BRINP3: variants seen among roughly 807,000 people sequenced by gnomAD.
BRINP3 encodes the protein BMP/retinoic acid-inducible neural-specific protein 3.
Under a neutral mutation model 71.0 loss-of-function variants are expected in BRINP3, and 19 were observed. The ratio of observed to expected loss-of-function variants is 0.27; its 90% CI spans 0.19 to 0.39. The LOEUF is 0.39. Ranked by LOEUF, BRINP3 falls within the 10% of genes least tolerant of loss-of-function variation. The pLI is 1.00. For missense variants in BRINP3, 959 were observed against 940.8 expected (o/e 1.02, Z -0.25); for synonymous variants, 380 against 337.7 (o/e 1.13, Z -1.37).
At chr1:190,192,496 CA>C (rs1654124132) in intron 6 of BRINP3, among the ~76,000 whole-genome samples, 2 of 151,282 alleles carry the variant, frequency 1.3e-5, no homozygotes, top group African/African-American at 4.9e-5. Flanking sequence ...CAGCATGTGC[CA>C]ACATGTCCTG....
At chr1:190,234,266 A>G in intron 5 of BRINP3, 106 bp downstream of exon 5, 1 of 588,282 alleles carries the variant, frequency 1.7e-6, no homozygotes, top group Non-Finnish European at 2.8e-6. Flanking sequence ...AGAGTTTTTA[A>G]TAGCCTGTAT....
At chr1:190,364,520 T>C (rs1669360457) in intron 2 of BRINP3, among the ~76,000 whole-genome samples, 1 of 151,926 alleles carries the variant, frequency 6.6e-6, no homozygotes, top group Non-Finnish European at 1.5e-5. Flanking sequence ...CAGAAGAACA[T>C]CAAACAGTCT....
At chr1:190,404,033 A>G (rs1377200832) in intron 2 of BRINP3, among the ~76,000 whole-genome samples, 5 of 152,178 alleles carry the variant, frequency 3.3e-5, no homozygotes, top group Non-Finnish European at 5.9e-5. Context: ...CTTCAGAAAA[A>G]GTTCTAAGAG....
At chr1:190,309,140 G>A (rs577006800) in intron 2 of BRINP3, among the ~76,000 whole-genome samples, 19 of 151,706 alleles carry the variant, frequency 1.3e-4, no homozygotes, top group African/African-American at 3.9e-4. Flanking sequence ...CTCATACTAC[G>A]GCATGTGTGA....
At chr1:190,115,151 G>T (rs578047798) in intron 7 of BRINP3, among the ~76,000 whole-genome samples, 1 of 152,122 alleles carries the variant, frequency 6.6e-6, no homozygotes, top group South Asian at 2.1e-4. Context: ...ATAAATTATG[G>T]TAAAGAATGG....
intron 2 of BRINP3, among the ~76,000 whole-genome samples, chr1:190,361,370 G>A (rs1005068374): frequency 1.3e-5 from 2 of 151,696 alleles, no homozygotes; most frequent in Non-Finnish European, 1.5e-5. Flanking sequence ...TGTAATTTAG[G>A]AAAATATAAG....
chr1:190,317,120 C>G (rs1177144314), intron 2 of BRINP3, among the ~76,000 whole-genome samples: 3 of 145,442 alleles, frequency 2.1e-5, no homozygotes, highest in Non-Finnish European at 4.5e-5. Flanking sequence ...TTCAATGAGC[C>G]GAGATTGGGC....
At chr1:190,404,234 T>C (rs1188603210) in intron 2 of BRINP3, among the ~76,000 whole-genome samples, 1 of 152,172 alleles carries the variant, frequency 6.6e-6, no homozygotes, top group Non-Finnish European at 1.5e-5. Context: ...TAATAACTCA[T>C]ACTATCAGTA....
At chr1:190,167,125 T>C (rs1265358807) in intron 6 of BRINP3, among the ~76,000 whole-genome samples, 1 of 152,142 alleles carries the variant, frequency 6.6e-6, no homozygotes, top group Non-Finnish European at 1.5e-5. Flanking sequence ...TATCCGATTT[T>C]GGATTTTGGT....
chr1:190,303,119 T>C (rs1276742132), intron 2 of BRINP3, among the ~76,000 whole-genome samples: 1 of 151,740 alleles, frequency 6.6e-6, no homozygotes, highest in African/African-American at 2.4e-5. Context: ...ATTTTCCAAG[T>C]TTCTGAATAT....
intron 2 of BRINP3, among the ~76,000 whole-genome samples, chr1:190,319,976 C>T (rs1292944192): frequency 2.0e-5 from 3 of 151,906 alleles, no homozygotes; most frequent in African/African-American, 4.8e-5. Flanking sequence ...AAAGAATATT[C>T]TATAAGTTTT....
rs548445737 is a variant in BRINP3, at chr1:190,228,306, A to T, written c.725-1988T>A. ...ACTCAGGAATCAGTATATATTTATTAAAAGACCTAAGGTAACAGTAATTGA... is the reference window on the plus strand; with the variant it reads ...ACTCAGGAATCAGTATATATTTATTTAAAGACCTAAGGTAACAGTAATTGA... On this transcript the variant is annotated intron_variant, in intron 5 of 7. Transcript: ENST00000367462. Among the ~76,000 whole-genome samples, 13 of 152,084 alleles carry T rather than the reference A, an allele frequency of 8.5e-5. No homozygotes were observed. In the South Asian group the frequency reaches 2.7e-3, roughly 32 times the overall value.
At chr1:190,228,472 C>G (rs1349836989) in intron 5 of BRINP3, among the ~76,000 whole-genome samples, 1 of 151,442 alleles carries the variant, frequency 6.6e-6, no homozygotes, top group Non-Finnish European at 1.5e-5. Flanking sequence ...GACGGTAGTG[C>G]TTTTGGAGAA....
intron 2 of BRINP3, among the ~76,000 whole-genome samples, chr1:190,327,951 A>G (rs529680808): frequency 9.2e-5 from 14 of 152,260 alleles, no homozygotes; most frequent in African/African-American, 3.1e-4. Flanking sequence ...CATACAAACC[A>G]TACTCTTGGA....
At chr1:190,366,625 T>C (rs1669521525) in intron 2 of BRINP3, among the ~76,000 whole-genome samples, 1 of 152,162 alleles carries the variant, frequency 6.6e-6, no homozygotes, top group African/African-American at 2.4e-5. Context: ...CAAAGTCTCA[T>C]CTGAGACAAG....
chr1:190,231,310 A>G (rs1264322004), intron 5 of BRINP3, among the ~76,000 whole-genome samples: 1 of 151,814 alleles, frequency 6.6e-6, no homozygotes, highest in African/African-American at 2.4e-5. Flanking sequence ...TTGAAGCAGC[A>G]TCATTCAATT....
At chr1:190,399,223 C>T (rs965219613) in intron 2 of BRINP3, among the ~76,000 whole-genome samples, 8 of 151,822 alleles carry the variant, frequency 5.3e-5, no homozygotes. Flanking sequence ...AAAACACACC[C>T]TCAAATGAAA....
intron 7 of BRINP3, among the ~76,000 whole-genome samples, chr1:190,151,834 T>C (rs1656418692): frequency 6.6e-6 from 1 of 152,184 alleles, no homozygotes; most frequent in South Asian, 2.1e-4. Flanking sequence ...AATATTTTAC[T>C]GTGATTGAAG....
chr1:190,101,804 T>C (rs1651725464), intron 7 of BRINP3, among the ~76,000 whole-genome samples: 2 of 152,146 alleles, frequency 1.3e-5, no homozygotes, highest in Non-Finnish European at 2.9e-5. Flanking sequence ...TTAATAGACC[T>C]AAGGCAAAGA....
Sources: allele counts gnomAD v4.1 joint callset (sites outside exome capture counted in the v4.1 genomes callset), GRCh38; gene constraint gnomAD v4.1.1; transcripts MANE v1.5; gene names NCBI Gene and HGNC (gene_info 2026-07-23, HGNC 2026-07-21).